The following MYH7 variants were observed in gnomAD, a reference collection of about 807,000 sequenced individuals.
MYH7 encodes the protein myosin-7.
MYH7 carries 129 observed loss-of-function variants against 225.4 expected under a neutral mutation model. The observed-to-expected ratio is 0.57, with a 90% confidence interval of 0.50 to 0.66. The LOEUF (loss-of-function observed/expected upper bound fraction) is 0.66. MYH7 is among the 30% of genes least tolerant of loss of function. The probability of loss-of-function intolerance (pLI) is 0.00; values close to 1 mark genes in which losing one functional copy is unlikely to be tolerated. For synonymous variants in MYH7, 971 were observed against 1,007.6 expected, an observed-to-expected ratio of 0.96 and a Z score of 0.69; for missense variants, 1,649 against 2,517.0, an observed-to-expected ratio of 0.66 and a Z score of 7.38.
chr14:23,412,967 G>A (rs1892034061), intron 39 of MYH7, 96 bp from the exon 40 acceptor site: 1 of 1,308,016 alleles, frequency 7.6e-7, no homozygotes, highest in Non-Finnish European at 1.1e-6. Flanking sequence ...CTGATGGTGG[G>A]GGGCCTGCTT....
rs397516236 is a variant in MYH7 at position 23,432,511 on chromosome 14, G to A, written c.503-5C>T. The A allele has an allele frequency of 4.3e-6, 7 of 1,614,022 alleles. No homozygotes were observed. The African/African-American group carries it at 8.0e-5, about 18-fold the overall frequency. ...GGATGGACTGGTTTTCTCTGTCTGT[G>A]GGGAGAGGGTGGGGAGGAAAGGTCA... On this transcript the variant is annotated splice_polypyrimidine_tract_variant and splice_region_variant and intron_variant, in intron 5 of 39. Coordinates refer to ENST00000355349, the MANE Select transcript of MYH7 (RefSeq NM_000257.4).
intron 25 of MYH7, 114 bp from the exon 26 acceptor site, chr14:23,421,162 CAG>C (rs1280481100): frequency 5.1e-6 from 4 of 791,442 alleles, no homozygotes; most frequent in Admixed American, 2.0e-5. Flanking sequence ...ATTAGAAAAA[CAG>C]CTTCTGGGGG....
At chr14:23,434,026 C>T (rs148016529) in intron 2 of MYH7, among the ~76,000 whole-genome samples, 168 bp downstream of exon 2, 2 of 152,360 alleles carry the variant, frequency 1.3e-5, no homozygotes, top group African/African-American at 4.8e-5. Flanking sequence ...CTATTTCCAT[C>T]TCTGACCCTC....
At position 23,416,975 on chromosome 14, in the gene MYH7, T is replaced by A. The variant is rs397516222; in HGVS notation, c.4537A>T (p.Thr1513Ser). ...TTTCCGCTGGAACCCAACTGCTCAG[T>A]CAAGTCGGAGATCTCCTCTGTGTGG... is the stretch of plus-strand genomic sequence containing the variant. Reference protein sequence around the residue: ...KNLQEEISDLTEQLGSSGKTI... With the variant: ...KNLQEEISDLSEQLGSSGKTI... The change falls in exon 33 of 40, where the codon ACT (threonine) becomes TCT (serine). Residue 1513 changes from threonine to serine, a missense_variant. Thr to Ser is a moderately conservative substitution (Grantham distance 58, BLOSUM62 1). Transcript: ENST00000355349. 2 of 1,614,166 alleles carry A rather than the reference T, an allele frequency of 1.2e-6. No homozygotes were observed. Among genetic ancestry groups the A allele is most frequent in the Non-Finnish European group, 1.7e-6 (2 of 1,180,034 alleles).
In MYH7 at chr14:23,432,801, G is replaced by A. The variant is rs1179088209; in HGVS notation, c.346-6C>T. On this transcript the variant is annotated splice_polypyrimidine_tract_variant and splice_region_variant and intron_variant, in intron 4 of 39. Transcript: ENST00000355349. Reference sequence around the variant, plus strand: ...CAGAAGAGGCCCGAGTAGGTCTGGGGATAGAAAAGGAGCAGTGACTTGCCA... The same window carrying A: ...CAGAAGAGGCCCGAGTAGGTCTGGGAATAGAAAAGGAGCAGTGACTTGCCA... The A allele has an allele frequency of 1.2e-6, 2 of 1,614,060 alleles. No individual in the cohort carries two copies. Among genetic ancestry groups the A allele is most frequent in the Non-Finnish European group, 1.7e-6 (2 of 1,180,036 alleles).
Position 23,420,081 on chromosome 14 carries a change from T to G in MYH7, c.3490A>C (p.Asn1164His). Reference sequence around the variant, plus strand: ...TGGAACTCGGCCTCGCGCTTCTTGTTCATCTCGATCTGCACGGACGTGGCC... The same window carrying G: ...TGGAACTCGGCCTCGCGCTTCTTGTGCATCTCGATCTGCACGGACGTGGCC... ...GGATSVQIEM[N>H]KKREAEFQKM... is the part of the protein sequence containing the mutation. The change falls in exon 27 of 40, where the codon AAC becomes CAC. Residue 1164 changes from asparagine to histidine, a missense_variant. Physicochemically the swap from Asn to His is moderately conservative, Grantham distance 68. Around this residue, in one of 12 missense-constraint regions of MYH7, gnomAD observed 106 missense variants for 198.8 expected, o/e 0.53. Coordinates refer to ENST00000355349, the MANE Select transcript of MYH7 (RefSeq NM_000257.4). The G allele has an allele frequency of 1.3e-6, 2 of 1,597,362 alleles. No homozygotes were observed. The highest frequency in any genetic ancestry group is 8.5e-7 in the Non-Finnish European group (1 of 1,171,162).
rs1358888752 is a variant in MYH7, at chr14:23,415,749, G to C, written c.5037C>G (p.Asn1679Lys). The C allele has an allele frequency of 7.4e-6, 12 of 1,614,082 alleles. No individual in the cohort carries two copies. Among genetic ancestry groups the C allele is most frequent in the African/African-American group, 1.3e-5 (1 of 74,926 alleles). The part of the protein sequence containing the change: ...ENIAIVERRN[N>K]LLQAELEELR... ...ACTCCTCCAGCTCAGCCTGCAGCAGGTTGTTGCGCCGCTCCACGATGGCGA... is the reference window on the plus strand; with the variant it reads ...ACTCCTCCAGCTCAGCCTGCAGCAGCTTGTTGCGCCGCTCCACGATGGCGA... Residue 1679 changes from asparagine (N) to lysine (K), a missense_variant, in exon 35 of 40, where the codon AAC becomes AAG. Physicochemically the swap from Asn to Lys is moderately conservative, Grantham distance 94. This residue lies in a region of MYH7 where 687 missense variants were observed against 913.8 expected (regional missense o/e 0.75). Transcript: ENST00000355349. This position sits in a 1 kb window ranked among gnomAD's most constrained non-coding sequence, Gnocchi z 6.3.
Position 23,429,827 on chromosome 14 carries a change from C to A in MYH7, c.1086G>T (p.Met362Ile), listed in dbSNP as rs753119645. Residue 362 changes from methionine to isoleucine, a missense_variant, in exon 12 of 40, where the codon ATG becomes ATT. By Grantham distance (10) the Met-to-Ile change is conservative. This residue lies in a region of MYH7 where 131 missense variants were observed against 231.3 expected (regional missense o/e 0.57). Transcript: ENST00000355349. ...CCTCCCGCTGCTTCAGCTTGAACTT[C>A]ATGTTTCCAAAGTGCATGATGGCGC... is the stretch of plus-strand genomic sequence containing the variant. ...LTGAIMHFGN[M>I]KFKLKQREEQ... 6.2e-7 allele frequency: 1 copy of A among 1,613,894 alleles called. No individual in the cohort carries two copies. The highest frequency in any genetic ancestry group is 8.5e-7 in the Non-Finnish European group (1 of 1,180,030).
intron 31 of MYH7, 37 bp from the exon 32 acceptor site, chr14:23,417,355 C>A: frequency 6.2e-7 from 1 of 1,612,584 alleles, no homozygotes; most frequent in Non-Finnish European, 8.5e-7. Flanking sequence ...AGCCCCCCAG[C>A]CTCAGCCCCA....
At chr14:23,419,677 C>A (rs1892388066) in intron 27 of MYH7, 68 bp from the exon 28 acceptor site, 1 of 1,612,640 alleles carries the variant, frequency 6.2e-7, no homozygotes, top group African/African-American at 1.3e-5. Context: ...GTAAGAGGTG[C>A]AACTGAAGGA....
At chr14:23,414,201 T>G in intron 37 of MYH7, 99 bp from the exon 38 acceptor site, 1 of 1,006,878 alleles carries the variant, frequency 9.9e-7, no homozygotes. Context: ...CTGACCCAAT[T>G]CTACTTTCTG....
rs1892252462 is a variant in MYH7 at position 23,417,193 on chromosome 14, T to C, written c.4479A>G (p.Glu1493=). ...TCTCCCGCTTGAAGGTCTCCAGATG[T>C]TCCAGGGACTCCTCATAGGCGTTCT... ...KLKNAYEESL[E]HLETFKRENK... is the part of the protein sequence containing the mutation. Residue 1493 remains glutamate, a synonymous_variant, in exon 32 of 40, where the codon GAA becomes GAG. Coordinates refer to ENST00000355349, the MANE Select transcript of MYH7 (RefSeq NM_000257.4). The C allele has an allele frequency of 1.2e-6, 2 of 1,614,204 alleles. No homozygotes were observed. Among genetic ancestry groups the C allele is most frequent in the Non-Finnish European group, 1.7e-6 (2 of 1,180,028 alleles).
At chr14:23,434,131 G>T in intron 2 of MYH7, 63 bp downstream of exon 2, 1 of 990,746 alleles carries the variant, frequency 1.0e-6, no homozygotes, top group Non-Finnish European at 1.3e-6. Flanking sequence ...CCATAGGCTG[G>T]CTTTGGGGCT....
chr14:23,421,724 A>G (rs1480650840), intron 25 of MYH7: 1 of 984,806 alleles, frequency 1.0e-6, no homozygotes. Context: ...AAGAATTGGA[A>G]CCACAAGTTA....
At chr14:23,435,011 T>C (rs1893087791) in intron 1 of MYH7, among the ~76,000 whole-genome samples, 1 of 152,088 alleles carries the variant, frequency 6.6e-6, no homozygotes, top group Admixed American at 6.6e-5. Context: ...GCCACGTAAG[T>C]AGATCACATC....
chr14:23,433,512 C>T lies in MYH7; in HGVS notation c.201+20G>A. On this transcript the variant is annotated intron_variant, in intron 3 of 39. Transcript: ENST00000355349. This position sits in a 1 kb window ranked among gnomAD's most constrained non-coding sequence, Gnocchi z 4.1. ...TGTACAGGTGGCCAGGGTGGACTCTCACATCAGCCTGACACCCACCTTGCC... is the reference window on the plus strand; with the variant it reads ...TGTACAGGTGGCCAGGGTGGACTCTTACATCAGCCTGACACCCACCTTGCC... 6.2e-7 allele frequency: 1 copy of T among 1,612,816 alleles called. No individual in the cohort carries two copies. The highest frequency in any genetic ancestry group is 1.1e-5 in the South Asian group (1 of 90,996).
rs1892163209 is a variant in MYH7, at chr14:23,415,615, G to A, written c.5157+14C>T. The A allele has an allele frequency of 1.2e-6, 2 of 1,613,598 alleles. No individual in the cohort carries two copies. Among genetic ancestry groups the A allele is most frequent in the East Asian group, 2.2e-5 (1 of 44,876 alleles). On this transcript the variant is annotated intron_variant, in intron 35 of 39. Transcript: ENST00000355349. This position sits in a 1 kb window ranked among gnomAD's most constrained non-coding sequence, Gnocchi z 6.3. ...CCTGTGCTCCCTTCAGGAATGAGCAGGGGAGCTGCTCACCTGGGAATGCAG... is the reference window on the plus strand; with the variant it reads ...CCTGTGCTCCCTTCAGGAATGAGCAAGGGAGCTGCTCACCTGGGAATGCAG...
chr14:23,431,764 G>T lies in MYH7; in HGVS notation c.636C>A (p.Gly212=), dbSNP rs1892953596. Residue 212 remains glycine (G), a synonymous_variant, in exon 7 of 40, where the codon GGC becomes GGA. Coordinates refer to ENST00000355349, the MANE Select transcript of MYH7 (RefSeq NM_000257.4). ...CCTTGGAGGGCAGCAGGCCTACCTT[G>T]CCCGGGCTCTGGTCCTTCTTGCTGC... ...GDRSKKDQSP[G]KGTLEDQIIQ... The T allele has an allele frequency of 1.2e-6, 2 of 1,614,110 alleles. No homozygotes were observed. The highest frequency in any genetic ancestry group is 1.3e-5 in the African/African-American group (1 of 74,938).
chr14:23,431,125 G>T, intron 9 of MYH7, 126 bp from the exon 10 acceptor site: 1 of 750,894 alleles, frequency 1.3e-6, no homozygotes, highest in Non-Finnish European at 2.3e-6. Flanking sequence ...TAGTTGGACA[G>T]ACACAAAGAG....
Sources: gnomAD v4.1 joint callset for allele counts (sites outside exome capture counted in the v4.1 genomes callset) on GRCh38, gnomAD v4.1.1 for gene constraint, gnomAD v4.1.1 regional missense constraint, Gnocchi (gnomAD v3.1) non-coding constraint, MANE v1.5 for transcripts, NCBI Gene and HGNC (gene_info 2026-07-23, HGNC 2026-07-21) for gene names.